The following CDYL2 variants were observed in gnomAD, a reference collection of about 807,000 sequenced individuals.
CDYL2 encodes chromodomain Y like 2, also known as chromodomain Y-like protein 2.
A neutral mutation model predicts 49.4 loss-of-function variants in CDYL2; 23 were observed. That is an observed-to-expected ratio of 0.47 (90% CI 0.34 to 0.66). The LOEUF (loss-of-function observed/expected upper bound fraction) is 0.66. CDYL2 is among the 30% of genes least tolerant of loss of function. The pLI is 0.01. For synonymous variants in CDYL2, 360 were observed against 268.8 expected, an observed-to-expected ratio of 1.34 and a Z score of -3.32; for missense variants, 678 against 656.4, an observed-to-expected ratio of 1.03 and a Z score of -0.36.
intron 1 of CDYL2, among the ~76,000 whole-genome samples, chr16:80,746,619 C>G (rs749940981): frequency 3.3e-4 from 50 of 152,190 alleles, no homozygotes; most frequent in Non-Finnish European, 6.0e-4. Flanking sequence ...GCTCAGACAG[C>G]CCAGGCGGGA....
chr16:80,794,806 T>C (rs1438855565), intron 1 of CDYL2, among the ~76,000 whole-genome samples: 1 of 151,670 alleles, frequency 6.6e-6, no homozygotes, highest in African/African-American at 2.4e-5. Flanking sequence ...AGAGACAGAG[T>C]TTCTCCATGT....
chr16:80,729,508 T>G (rs1454419761), intron 1 of CDYL2, among the ~76,000 whole-genome samples: 1 of 152,030 alleles, frequency 6.6e-6, no homozygotes, highest in Non-Finnish European at 1.5e-5. Context: ...AATGGGAGAC[T>G]TTAACACCCC....
At chr16:80,803,883 C>T (rs1908008738) in intron 1 of CDYL2, among the ~76,000 whole-genome samples, 1 of 146,660 alleles carries the variant, frequency 6.8e-6, no homozygotes, top group Non-Finnish European at 1.5e-5. Context: ...CCTCCAAGGC[C>T]GCAAAGTAGA....
At chr16:80,762,686 T>G (rs1219558212) in intron 1 of CDYL2, among the ~76,000 whole-genome samples, 1 of 152,204 alleles carries the variant, frequency 6.6e-6, no homozygotes, top group Non-Finnish European at 1.5e-5. Flanking sequence ...GCTTGTCCAG[T>G]CTTTTGGGCA....
chr16:80,658,800 C>T (rs1908916665), intron 2 of CDYL2, among the ~76,000 whole-genome samples: 1 of 152,060 alleles, frequency 6.6e-6, no homozygotes, highest in African/African-American at 2.4e-5. Context: ...AACAAGGGCT[C>T]CTAGAGAAAT....
chr16:80,690,603 A>C (rs532047716), intron 1 of CDYL2, among the ~76,000 whole-genome samples: 19 of 152,018 alleles, frequency 1.2e-4, no homozygotes, highest in African/African-American at 3.9e-4. Flanking sequence ...TTGGCTCCAA[A>C]TCCCATGCTC....
At chr16:80,613,240 G>A (rs545957616) in intron 4 of CDYL2, among the ~76,000 whole-genome samples, 1 of 152,208 alleles carries the variant, frequency 6.6e-6, no homozygotes, top group Admixed American at 6.5e-5. Flanking sequence ...GTAACAGGGA[G>A]GCATATTTCA....
chr16:80,685,093 C>T lies in CDYL2; in HGVS notation c.61G>A (p.Gly21Arg), dbSNP rs897229367. 1 of 1,613,682 alleles carries T rather than the reference C, an allele frequency of 6.2e-7. No individual in the cohort carries two copies. The highest frequency in any genetic ancestry group is 8.5e-7 in the Non-Finnish European group (1 of 1,179,712). Residue 21 changes from glycine (G) to arginine (R), a missense_variant, in exon 2 of 7, where the codon GGA (glycine) becomes AGA (arginine). Physicochemically the swap from Gly to Arg is moderately radical, Grantham distance 125. Coordinates refer to ENST00000570137, the MANE Select transcript of CDYL2 (RefSeq NM_152342.4). ...CATCGGATAAGATACTCCCATTTTC[C>T]TTTCTTGTTCTTCCTCTTGTCTACA... ...RIVDKRKNKK[G>R]KWEYLIRWKG... is the part of the protein sequence containing the mutation.
chr16:80,625,687 A>G (rs904517971), intron 3 of CDYL2, among the ~76,000 whole-genome samples: 2 of 152,216 alleles, frequency 1.3e-5, no homozygotes, highest in African/African-American at 4.8e-5. Context: ...TCAAAGACAA[A>G]GCAAAACCTT....
chr16:80,683,287 A>G (rs1382362529), intron 2 of CDYL2, among the ~76,000 whole-genome samples: 2 of 152,248 alleles, frequency 1.3e-5, no homozygotes, highest in African/African-American at 4.8e-5. Context: ...TCTGGCAGCC[A>G]AAGAGACAAA....
At chr16:80,605,394 TTATA>T (rs949918245) in intron 6 of CDYL2, among the ~76,000 whole-genome samples, 2 of 148,224 alleles carry the variant, frequency 1.3e-5, no homozygotes, top group Non-Finnish European at 3.0e-5. Context: ...TGTATATGTA[TTATA>T]TATAATATAT....
rs539522807 is a variant in CDYL2, at chr16:80,706,100, AC to A, written c.25-20972del. ...GATGGAAAAGTGTTCACTCTTCTCT[AC>A]TCCGCATCTTTCCCTCAAAATAACA... On this transcript the variant is annotated intron_variant, in intron 1 of 6. Transcript: ENST00000570137. Among the ~76,000 whole-genome samples the A allele has an allele frequency of 1.3e-3, 202 of 152,238 alleles. 1 individual carries two copies. The highest frequency in any genetic ancestry group is 4.6e-3 in the African/African-American group (193 of 41,536).
chr16:80,619,782 A>G (rs549645985), intron 4 of CDYL2, among the ~76,000 whole-genome samples: 1 of 152,292 alleles, frequency 6.6e-6, no homozygotes, highest in South Asian at 2.1e-4. Context: ...AGGGGCTCCA[A>G]TGGCTGCTTC....
In CDYL2 at chr16:80,603,147, C is replaced by G. The variant is rs1361135688; in HGVS notation, c.*1241G>C. The G allele has an allele frequency of 1.3e-5, 2 of 152,248 alleles. No individual in the cohort carries two copies. The highest frequency in any genetic ancestry group is 2.9e-5 in the Non-Finnish European group (2 of 68,074). 9.4% of individuals were successfully genotyped at this position (152,248 alleles called of 1,614,324 possible). Reference sequence around the variant, plus strand: ...AAAAGATTCAGACCTCCAGACAGCTCAGCAGAGTGGGAACTCTTCCCCATC... The same window carrying G: ...AAAAGATTCAGACCTCCAGACAGCTGAGCAGAGTGGGAACTCTTCCCCATC... On this transcript the variant is annotated 3_prime_UTR_variant, in exon 7 of 7. Transcript: ENST00000570137.
intron 1 of CDYL2, among the ~76,000 whole-genome samples, chr16:80,779,989 G>T (rs1907210594): frequency 6.6e-6 from 1 of 152,106 alleles, no homozygotes; most frequent in South Asian, 2.1e-4. Flanking sequence ...AAGAAAATGA[G>T]TTAAGATAGT....
At chr16:80,677,846 C>T (rs549810846) in intron 2 of CDYL2, among the ~76,000 whole-genome samples, 40 of 152,050 alleles carry the variant, frequency 2.6e-4, no homozygotes, top group Non-Finnish European at 4.7e-4. Flanking sequence ...CATCACGCTA[C>T]CTGACTTCAA....
intron 1 of CDYL2, among the ~76,000 whole-genome samples, chr16:80,733,535 T>G (rs1279371321): frequency 6.6e-6 from 1 of 152,128 alleles, no homozygotes; most frequent in Non-Finnish European, 1.5e-5. Flanking sequence ...AAGCTGCAGT[T>G]TTTAAGTCCC....
chr16:80,683,143 C>G (rs1320628689), intron 2 of CDYL2, among the ~76,000 whole-genome samples: 7 of 152,222 alleles, frequency 4.6e-5, no homozygotes, highest in African/African-American at 1.7e-4. Context: ...GCCCTTCTAA[C>G]CATTCCCCCT....
chr16:80,672,755 C>T (rs1410827545), intron 2 of CDYL2, among the ~76,000 whole-genome samples: 1 of 152,204 alleles, frequency 6.6e-6, no homozygotes, highest in African/African-American at 2.4e-5. Context: ...AGACAACCTA[C>T]TTCATAGAAT....
Sources: allele counts gnomAD v4.1 joint callset (sites outside exome capture counted in the v4.1 genomes callset), GRCh38; gene constraint gnomAD v4.1.1; transcripts MANE v1.5; gene names NCBI Gene and HGNC (gene_info 2026-07-23, HGNC 2026-07-21).